Variants in INSM1 observed in about 807,000 individuals in gnomAD.
INSM1 encodes INSM transcriptional repressor 1, also known as insulinoma-associated protein 1.
In INSM1, 11 loss-of-function variants were observed where a neutral mutation model predicts 21.1. The ratio of observed to expected loss-of-function variants is 0.52; its 90% CI spans 0.33 to 0.86. The LOEUF is 0.86. Ranked by LOEUF, INSM1 falls within the 40% of genes least tolerant of loss-of-function variation. The pLI is 0.03. For synonymous variants in INSM1, 473 were observed against 386.1 expected (o/e 1.23, Z -2.64); for missense variants, 843 against 760.1 (o/e 1.11, Z -1.28).
chr20:20,368,437 C>T lies in INSM1; in HGVS notation c.170C>T (p.Pro57Leu), dbSNP rs1050936808. The T allele has an allele frequency of 4.0e-6, 4 of 990,664 alleles. No individual in the cohort carries two copies. The highest frequency in any genetic ancestry group is 3.5e-5 in the African/African-American group (2 of 56,782). 61.4% of individuals were successfully genotyped at this position (990,664 alleles called of 1,614,324 possible). The part of the protein sequence containing the change: ...SPVPGPLPPP[P>L]PAERAHAALA... Reference sequence around the variant, plus strand: ...GTCCCCGGGCCGCTGCCGCCGCCGCCGCCCGCGGAGCGCGCCCATGCAGCG... The same window carrying T: ...GTCCCCGGGCCGCTGCCGCCGCCGCTGCCCGCGGAGCGCGCCCATGCAGCG... The change falls in exon 1 of 1, where the codon CCG becomes CTG. Residue 57 changes from proline to leucine, a missense_variant. Physicochemically the swap from Pro to Leu is moderately conservative, Grantham distance 98 (BLOSUM62 -3). Coordinates refer to ENST00000310227, the MANE Select transcript of INSM1 (RefSeq NM_002196.3). The surrounding 1 kb of genome is among the most constrained non-coding windows in gnomAD (Gnocchi z 4.3).
At position 20,370,563 on chromosome 20, in the gene INSM1, G is replaced by A. The variant is rs1219813130; in HGVS notation, c.*763G>A. 1 of 166,988 alleles carries A rather than the reference G, an allele frequency of 6.0e-6. No homozygotes were observed. The highest frequency in any genetic ancestry group is 2.4e-5 in the African/African-American group (1 of 41,416). The allele number at this position is 166,988 out of a possible 1,614,324, so 10.3% of individuals were successfully genotyped here. ...TCTAAATGTATATGTTGATTTATGA[G>A]TAATTGTTATTTATTCTTTATTTAT... On this transcript the variant is annotated 3_prime_UTR_variant, in exon 1 of 1. Coordinates refer to ENST00000310227, the MANE Select transcript of INSM1 (RefSeq NM_002196.3).
chr20:20,369,899 A>T lies in INSM1; in HGVS notation c.*99A>T, dbSNP rs1225638594. 6 of 1,009,258 alleles carry T rather than the reference A, an allele frequency of 5.9e-6. No homozygotes were observed. The highest frequency in any genetic ancestry group is 8.4e-6 in the Non-Finnish European group (6 of 714,242). 62.5% of individuals were successfully genotyped at this position (1,009,258 alleles called of 1,614,324 possible). A position where few individuals can be genotyped will look rare whatever the true frequency, so the allele number is the denominator to read the frequency against. On this transcript the variant is annotated 3_prime_UTR_variant, in exon 1 of 1. Transcript: ENST00000310227. This position sits in a 1 kb window ranked among gnomAD's most constrained non-coding sequence, Gnocchi z 5.6. ...CCCGAACCCGAGTCCGCGCTGGGGGAGCCTCGCCCCCGCCCCCACCGGGTG... is the reference window on the plus strand; with the variant it reads ...CCCGAACCCGAGTCCGCGCTGGGGGTGCCTCGCCCCCGCCCCCACCGGGTG...
chr20:20,369,998 C>T lies in INSM1; in HGVS notation c.*198C>T, dbSNP rs1247287115. The T allele has an allele frequency of 3.6e-6, 2 of 552,192 alleles. No individual in the cohort carries two copies. Among genetic ancestry groups the T allele is most frequent in the Non-Finnish European group, 3.2e-6 (1 of 310,478 alleles). 34.2% of individuals were successfully genotyped at this position (552,192 alleles called of 1,614,324 possible). ...CTCTCCTTTTGACTCCTTTTGGAAC[C>T]CCCACTTTTACGTTGTGTCCCTCCG... is the stretch of plus-strand genomic sequence containing the variant. On this transcript the variant is annotated 3_prime_UTR_variant, in exon 1 of 1. Coordinates refer to ENST00000310227, the MANE Select transcript of INSM1 (RefSeq NM_002196.3). This position sits in a 1 kb window ranked among gnomAD's most constrained non-coding sequence, Gnocchi z 5.6.
chr20:20,369,941 TTC>T lies in INSM1; in HGVS notation c.*146_*147del. The T allele has an allele frequency of 1.4e-6, 1 of 705,278 alleles. No homozygotes were observed. The allele number at this position is 705,278 out of a possible 1,614,324, so 43.7% of individuals were successfully genotyped here. ...CACCGGGTGAAAGTGTCGTCTCCGC[TTC>T]TCTCGGTGTGGCGTGACGGTAACCC... On this transcript the variant is annotated 3_prime_UTR_variant, in exon 1 of 1. Transcript: ENST00000310227. This position sits in a 1 kb window ranked among gnomAD's most constrained non-coding sequence, Gnocchi z 5.6.
rs2059482649 is a variant in INSM1, at chr20:20,368,192, C to T, written c.-76C>T. 3.0e-6 allele frequency: 3 copies of T among 1,013,668 alleles called. No individual in the cohort carries two copies. The highest frequency in any genetic ancestry group is 2.4e-6 in the Non-Finnish European group (2 of 841,108). The allele number at this position is 1,013,668 out of a possible 1,614,324, so 62.8% of individuals were successfully genotyped here. ...CAGCCGCCGCGCCCGGGCAATGGGC[C>T]GGGGGCACTGAGGGCCGCCGGGGCC... On this transcript the variant is annotated 5_prime_UTR_variant, in exon 1 of 1. Transcript: ENST00000310227. The surrounding 1 kb of genome is among the most constrained non-coding windows in gnomAD (Gnocchi z 4.3).
In INSM1 at chr20:20,368,911, T is replaced by G. The variant is rs200158934; in HGVS notation, c.644T>G (p.Val215Gly). 1,086 of 1,507,828 alleles carry G rather than the reference T, an allele frequency of 7.2e-4. 3 individuals carry two copies. Among genetic ancestry groups the G allele is most frequent in the Middle Eastern group, 4.3e-3 (20 of 4,658 alleles). The allele number at this position is 1,507,828 out of a possible 1,614,324, so 93.4% of individuals were successfully genotyped here. A position where few individuals can be genotyped will look rare whatever the true frequency, so the allele number is the denominator to read the frequency against. Reference sequence around the variant, plus strand: ...GCCGCGGAGCCGCCCGCCAAGGCAGTCAAGGCCCCGGGCGCCAAGAAGCCC... The same window carrying G: ...GCCGCGGAGCCGCCCGCCAAGGCAGGCAAGGCCCCGGGCGCCAAGAAGCCC... ...PTAAEPPAKA[V>G]KAPGAKKPKA... The change falls in exon 1 of 1, where the codon GTC becomes GGC. Residue 215 changes from valine (V) to glycine (G), a missense_variant. Coordinates refer to ENST00000310227, the MANE Select transcript of INSM1 (RefSeq NM_002196.3). This position sits in a 1 kb window ranked among gnomAD's most constrained non-coding sequence, Gnocchi z 4.3.
rs927955042 is a variant in INSM1 at position 20,370,642 on chromosome 20, G to T, written c.*842G>T. On this transcript the variant is annotated 3_prime_UTR_variant, in exon 1 of 1. Transcript: ENST00000310227. Reference sequence around the variant, plus strand: ...ATTTGATTGCAGATTTTTTTGGCGCGCTGCCCCCTCCCCACCCTGCCACTC... The same window carrying T: ...ATTTGATTGCAGATTTTTTTGGCGCTCTGCCCCCTCCCCACCCTGCCACTC... 1 of 166,430 alleles carries T rather than the reference G, an allele frequency of 6.0e-6. No individual in the cohort carries two copies. The highest frequency in any genetic ancestry group is 1.9e-4 in the East Asian group (1 of 5,174). 10.3% of individuals were successfully genotyped at this position (166,430 alleles called of 1,614,324 possible).
At position 20,370,648 on chromosome 20, in the gene INSM1, C is replaced by T. The variant is rs1303367370; in HGVS notation, c.*848C>T. 6.0e-6 allele frequency: 1 copy of T among 166,760 alleles called. No individual in the cohort carries two copies. Among genetic ancestry groups the T allele is most frequent in the Non-Finnish European group, 1.5e-5 (1 of 68,066 alleles). The allele number at this position is 166,760 out of a possible 1,614,324, so 10.3% of individuals were successfully genotyped here. On this transcript the variant is annotated 3_prime_UTR_variant, in exon 1 of 1. Transcript: ENST00000310227. ...TTGCAGATTTTTTTGGCGCGCTGCC[C>T]CCTCCCCACCCTGCCACTCTTGACA...
Position 20,370,096 on chromosome 20 carries a change from G to T in INSM1, c.*296G>T. 2.7e-6 allele frequency: 1 copy of T among 370,418 alleles called. No individual in the cohort carries two copies. The highest frequency in any genetic ancestry group is 5.0e-6 in the Non-Finnish European group (1 of 198,170). 22.9% of individuals were successfully genotyped at this position (370,418 alleles called of 1,614,324 possible). On this transcript the variant is annotated 3_prime_UTR_variant, in exon 1 of 1. Transcript: ENST00000310227. The stretch of plus-strand genomic sequence containing the variant: ...AAAAGCTGTACGCGTTTGTCTCGTG[G>T]TTGGAAGCCTCCCCTTGGCGGGGAG...
In INSM1 at chr20:20,368,562, C is replaced by T. The variant is rs1026546144; in HGVS notation, c.295C>T (p.Leu99Phe). Residue 99 changes from leucine (L) to phenylalanine (F), a missense_variant, in exon 1 of 1, where the codon CTC becomes TTC. Physicochemically the swap from Leu to Phe is conservative, Grantham distance 22. Transcript: ENST00000310227. The surrounding 1 kb of genome is among the most constrained non-coding windows in gnomAD (Gnocchi z 4.3). ...GNPEAAHPAPLYSPTRPVSRE... is the reference protein window; with the variant it reads ...GNPEAAHPAPFYSPTRPVSRE... ...CCCCGAGGCTGCGCACCCCGCGCCG[C>T]TCTACAGTCCCACGCGGCCCGTGAG... 6.3e-6 allele frequency: 9 copies of T among 1,421,722 alleles called. No individual in the cohort carries two copies. The highest frequency in any genetic ancestry group is 1.5e-5 in the African/African-American group (1 of 66,582). The allele number at this position is 1,421,722 out of a possible 1,614,324, so 88.1% of individuals were successfully genotyped here. A position where few individuals can be genotyped will look rare whatever the true frequency, so the allele number is the denominator to read the frequency against.
chr20:20,368,138 G>C lies in INSM1; in HGVS notation c.-130G>C, dbSNP rs1343744528. The C allele has an allele frequency of 3.1e-6, 2 of 642,972 alleles. No individual in the cohort carries two copies. Among genetic ancestry groups the C allele is most frequent in the Non-Finnish European group, 2.0e-6 (1 of 507,636 alleles). 39.8% of individuals were successfully genotyped at this position (642,972 alleles called of 1,614,324 possible). A position where few individuals can be genotyped will look rare whatever the true frequency, so the allele number is the denominator to read the frequency against. On this transcript the variant is annotated 5_prime_UTR_variant, in exon 1 of 1. Transcript: ENST00000310227. The surrounding 1 kb of genome is among the most constrained non-coding windows in gnomAD (Gnocchi z 4.3). ...CGCGTGCAGGGCGCAGAGCTGGGCC[G>C]AGCCGTCGCCGGCGCCACGCGAGTC...
chr20:20,369,878 A>C lies in INSM1; in HGVS notation c.*78A>C. 1 of 1,288,744 alleles carries C rather than the reference A, an allele frequency of 7.8e-7. No homozygotes were observed. Among genetic ancestry groups the C allele is most frequent in the Non-Finnish European group, 1.1e-6 (1 of 950,140 alleles). The allele number at this position is 1,288,744 out of a possible 1,614,324, so 79.8% of individuals were successfully genotyped here. A position where few individuals can be genotyped will look rare whatever the true frequency, so the allele number is the denominator to read the frequency against. On this transcript the variant is annotated 3_prime_UTR_variant, in exon 1 of 1. Coordinates refer to ENST00000310227, the MANE Select transcript of INSM1 (RefSeq NM_002196.3). The surrounding 1 kb of genome is among the most constrained non-coding windows in gnomAD (Gnocchi z 5.6). ...AAGAGAGTGCGCCCTGCACTCCCCG[A>C]ACCCGAGTCCGCGCTGGGGGAGCCT...
In INSM1 at chr20:20,368,342, C is replaced by T. The variant is rs1438813395; in HGVS notation, c.75C>T (p.Asp25=). 1 of 1,265,604 alleles carries T rather than the reference C, an allele frequency of 7.9e-7. No homozygotes were observed. Among genetic ancestry groups the T allele is most frequent in the Non-Finnish European group, 1.0e-6 (1 of 987,588 alleles). 78.4% of individuals were successfully genotyped at this position (1,265,604 alleles called of 1,614,324 possible). A position where few individuals can be genotyped will look rare whatever the true frequency, so the allele number is the denominator to read the frequency against. Residue 25 remains aspartate (D), a synonymous_variant, in exon 1 of 1, where the codon GAC becomes GAT. Transcript: ENST00000310227. The surrounding 1 kb of genome is among the most constrained non-coding windows in gnomAD (Gnocchi z 4.3). Reference sequence around the variant, plus strand: ...CCTACCGGGTCCGCGGCGGCGAGGACGGCGACCGCGCACTGCTGCTCTCGC... The same window carrying T: ...CCTACCGGGTCCGCGGCGGCGAGGATGGCGACCGCGCACTGCTGCTCTCGC... ...PVSYRVRGGE[D]GDRALLLSPS... is the part of the protein sequence containing the mutation.
Position 20,368,541 on chromosome 20 carries a change from G to A in INSM1, c.274G>A (p.Glu92Lys). Residue 92 changes from glutamate to lysine, a missense_variant, in exon 1 of 1, where the codon GAG becomes AAG. Glu to Lys is a moderately conservative substitution (Grantham distance 56). Coordinates refer to ENST00000310227, the MANE Select transcript of INSM1 (RefSeq NM_002196.3). The surrounding 1 kb of genome is among the most constrained non-coding windows in gnomAD (Gnocchi z 4.3). ...GCGGGCCGCGCACTTCGGCAACCCCGAGGCTGCGCACCCCGCGCCGCTCTA... is the reference window on the plus strand; with the variant it reads ...GCGGGCCGCGCACTTCGGCAACCCCAAGGCTGCGCACCCCGCGCCGCTCTA... ...GPRAAHFGNP[E>K]AAHPAPLYSP... 1 of 1,366,750 alleles carries A rather than the reference G, an allele frequency of 7.3e-7. No homozygotes were observed. The highest frequency in any genetic ancestry group is 9.6e-7 in the Non-Finnish European group (1 of 1,040,356). The allele number at this position is 1,366,750 out of a possible 1,614,324, so 84.7% of individuals were successfully genotyped here.
rs2059497491 is a variant in INSM1 at position 20,370,770 on chromosome 20, A to G, written c.*970A>G. The G allele has an allele frequency of 6.0e-6, 1 of 167,086 alleles. No homozygotes were observed. Among genetic ancestry groups the G allele is most frequent in the Admixed American group, 6.5e-5 (1 of 15,302 alleles). The allele number at this position is 167,086 out of a possible 1,614,324, so 10.4% of individuals were successfully genotyped here. On this transcript the variant is annotated 3_prime_UTR_variant, in exon 1 of 1. Coordinates refer to ENST00000310227, the MANE Select transcript of INSM1 (RefSeq NM_002196.3). The stretch of plus-strand genomic sequence containing the variant: ...CTGAGTGAATTACAGACAACCTATC[A>G]TTTATTCTGCTTCGAGGGTCCCCAG...
In INSM1 at chr20:20,368,487, C is replaced by G; in HGVS notation, c.220C>G (p.Pro74Ala). Residue 74 changes from proline (P) to alanine (A), a missense_variant, in exon 1 of 1, where the codon CCT becomes GCT. Physicochemically the swap from Pro to Ala is conservative, Grantham distance 27. Transcript: ENST00000310227. This position sits in a 1 kb window ranked among gnomAD's most constrained non-coding sequence, Gnocchi z 4.3. ...GCTCGCCGCCGCGCTTGCCTGCGCG[C>G]CTGGGCCGCAGCCACCCCCGCAGGG... ...AALAAALACA[P>A]GPQPPPQGPR... The G allele has an allele frequency of 8.8e-7, 1 of 1,137,598 alleles. No homozygotes were observed. Among genetic ancestry groups the G allele is most frequent in the African/African-American group, 1.7e-5 (1 of 59,656 alleles). The allele number at this position is 1,137,598 out of a possible 1,614,324, so 70.5% of individuals were successfully genotyped here. A position where few individuals can be genotyped will look rare whatever the true frequency, so the allele number is the denominator to read the frequency against.
At position 20,369,057 on chromosome 20, in the gene INSM1, C is replaced by G. The variant is rs750490137; in HGVS notation, c.790C>G (p.Leu264Val). 1 of 1,566,252 alleles carries G rather than the reference C, an allele frequency of 6.4e-7. No individual in the cohort carries two copies. The highest frequency in any genetic ancestry group is 2.4e-5 in the East Asian group (1 of 41,778). Residue 264 changes from leucine (L) to valine (V), a missense_variant, in exon 1 of 1, where the codon CTG becomes GTG. Leu to Val is a conservative substitution (Grantham distance 32). Transcript: ENST00000310227. This position sits in a 1 kb window ranked among gnomAD's most constrained non-coding sequence, Gnocchi z 5.6. ...CCGCGCGGGGGGCGCGGCGCGGCCG[C>G]TGGGCGAGTTCATCTGCCAGCTGTG... ...RGRAGGAARPLGEFICQLCKE... is the reference protein window; with the variant it reads ...RGRAGGAARPVGEFICQLCKE...
Position 20,369,694 on chromosome 20 carries a change from C to G in INSM1, c.1427C>G (p.Ala476Gly). Residue 476 changes from alanine (A) to glycine (G), a missense_variant, in exon 1 of 1, where the codon GCC becomes GGC. Ala to Gly is a moderately conservative substitution (Grantham distance 60, BLOSUM62 0). Transcript: ENST00000310227. This position sits in a 1 kb window ranked among gnomAD's most constrained non-coding sequence, Gnocchi z 5.6. The stretch of plus-strand genomic sequence containing the variant: ...GTGTTCCCCTGCAAGTACTGCCCGG[C>G]CACCTTCTACAGCTCGCCCGGCCTT... ...AQVFPCKYCP[A>G]TFYSSPGLTR... 1 of 1,600,814 alleles carries G rather than the reference C, an allele frequency of 6.2e-7. No individual in the cohort carries two copies. The highest frequency in any genetic ancestry group is 8.5e-7 in the Non-Finnish European group (1 of 1,179,810).
Position 20,368,537 on chromosome 20 carries a change from C to T in INSM1, c.270C>T (p.Asn90=), listed in dbSNP as rs1473971176. 2.2e-6 allele frequency: 3 copies of T among 1,357,118 alleles called. No individual in the cohort carries two copies. The highest frequency in any genetic ancestry group is 3.1e-5 in the South Asian group (2 of 64,992). The allele number at this position is 1,357,118 out of a possible 1,614,324, so 84.1% of individuals were successfully genotyped here. The part of the protein sequence containing the change: ...PQGPRAAHFG[N]PEAAHPAPLY... ...GCCCGCGGGCCGCGCACTTCGGCAA[C>T]CCCGAGGCTGCGCACCCCGCGCCGC... is the stretch of plus-strand genomic sequence containing the variant. The change falls in exon 1 of 1, where the codon AAC becomes AAT. Residue 90 remains asparagine (N), a synonymous_variant. Coordinates refer to ENST00000310227, the MANE Select transcript of INSM1 (RefSeq NM_002196.3). The surrounding 1 kb of genome is among the most constrained non-coding windows in gnomAD (Gnocchi z 4.3).
Sources: gnomAD v4.1 joint callset for allele counts on GRCh38, gnomAD v4.1.1 for gene constraint, Gnocchi (gnomAD v3.1) non-coding constraint, MANE v1.5 for transcripts, NCBI Gene and HGNC (gene_info 2026-07-23, HGNC 2026-07-21) for gene names.